The following TUBGCP5 variants were observed in gnomAD, a reference collection of about 807,000 sequenced individuals.
TUBGCP5 encodes gamma-tubulin complex component 5.
Under a neutral mutation model 134.7 loss-of-function variants are expected in TUBGCP5, and 98 were observed. The ratio of observed to expected loss-of-function variants is 0.73; its 90% CI spans 0.62 to 0.86. TUBGCP5 has a LOEUF of 0.86. TUBGCP5 is among the 40% of genes least tolerant of loss of function. The probability of loss-of-function intolerance (pLI) is 0.00; values close to 1 mark genes in which losing one functional copy is unlikely to be tolerated. For missense variants in TUBGCP5, 1,150 were observed against 1,244.8 expected (o/e 0.92, Z 1.15); for synonymous variants, 456 against 431.4 (o/e 1.06, Z -0.71).
chr15:23,015,002 A>AC (rs1274961558), intron 13 of TUBGCP5, among the ~76,000 whole-genome samples: 3 of 152,144 alleles, frequency 2.0e-5, no homozygotes, highest in East Asian at 3.9e-4. Context: ...GCCAGACCCC[A>AC]CCTTGGCCAA....
intron 21 of TUBGCP5, 52 bp downstream of exon 21, chr15:23,003,013 A>G (rs767694604): frequency 5.1e-6 from 8 of 1,578,178 alleles, no homozygotes; most frequent in Admixed American, 1.7e-5. Context: ...AAAAAAGGGA[A>G]GCTGAAGCTG....
At position 23,008,851 on chromosome 15, in the gene TUBGCP5, AT is replaced by A; in HGVS notation, c.2174del (p.Asn725IlefsTer4). 6.3e-7 allele frequency: 1 copy of A among 1,578,934 alleles called. No individual in the cohort carries two copies. Among genetic ancestry groups the A allele is most frequent in the South Asian group, 1.2e-5 (1 of 84,530 alleles). The part of the protein sequence containing the change: ...RLVEYLQAMR[N>X]FFLMEGGDTM... ...TATCTCCTCCTTCCATTAAGAAAAA[AT>A]TCCTCATAGCTTGCAAGTATTCTAC... On this transcript the variant is annotated frameshift_variant, in exon 16 of 23. Transcript: ENST00000615383. LOFTEE classifies it high-confidence loss of function.
At chr15:23,019,710 T>C (rs796205058) in intron 11 of TUBGCP5, among the ~76,000 whole-genome samples, 25 of 151,748 alleles carry the variant, frequency 1.6e-4, no homozygotes, top group African/African-American at 5.8e-4. Flanking sequence ...GGGAGGAGAA[T>C]TGCTTGAATC....
At chr15:23,035,232 G>A (rs187985764) in intron 3 of TUBGCP5, among the ~76,000 whole-genome samples, 11 of 151,748 alleles carry the variant, frequency 7.2e-5, no homozygotes, top group South Asian at 2.1e-4. Context: ...GGGAGGCTGA[G>A]GCAGGAGAAT....
chr15:23,024,608 CT>C (rs1253463257), intron 9 of TUBGCP5, 128 bp downstream of exon 9: 129 of 554,182 alleles, frequency 2.3e-4, no homozygotes, highest in South Asian at 5.8e-4. Context: ...TTTAAGTTAG[CT>C]TTTTTTTGCA....
In TUBGCP5 at chr15:23,008,619, A is replaced by G. The variant is rs2064860427; in HGVS notation, c.2327+80T>C. ...TCATAGGAATAGTGAGGATAAAATAATATGTGTAATTCATAGAAGACTTAC... is the reference window on the plus strand; with the variant it reads ...TCATAGGAATAGTGAGGATAAAATAGTATGTGTAATTCATAGAAGACTTAC... On this transcript the variant is annotated intron_variant, in intron 16 of 22. Transcript: ENST00000615383. 2.9e-5 allele frequency: 42 copies of G among 1,444,316 alleles called. 1 individual carries two copies. In the South Asian group the frequency reaches 4.3e-4, roughly 15 times the overall value. 89.5% of individuals were successfully genotyped at this position (1,444,316 alleles called of 1,614,324 possible).
intron 8 of TUBGCP5, among the ~76,000 whole-genome samples, chr15:23,025,502 G>A (rs138739611): frequency 6.3e-4 from 96 of 152,220 alleles, no homozygotes; most frequent in African/African-American, 2.2e-3. Context: ...TTCCAGGTAC[G>A]GGCACAGGCC....
chr15:22,986,595 G>A (rs1182458352), intron 23 of TUBGCP5, among the ~76,000 whole-genome samples: 5 of 151,976 alleles, frequency 3.3e-5, no homozygotes, highest in East Asian at 1.9e-4. Flanking sequence ...AAAATTAGCC[G>A]GGTGTGGTGG....
chr15:23,000,453 G>T, intron 22 of TUBGCP5, 116 bp downstream of exon 22: 1 of 1,497,788 alleles, frequency 6.7e-7, no homozygotes, highest in Middle Eastern at 1.9e-4. Flanking sequence ...GGACTTTTCA[G>T]TTTTGAAAAT....
In TUBGCP5 at chr15:23,019,224, G is replaced by C. The variant is rs932427307; in HGVS notation, c.1482C>G (p.Ile494Met). Reference protein sequence around the residue: ...HLWDGAREFIIQRNKNVPVNH... With the variant: ...HLWDGAREFIMQRNKNVPVNH... Reference sequence around the variant, plus strand: ...TGTGCTCTGCTGCAGCTCACCTCTGGATGATGAACTCCCTGGCGCCATCCC... The same window carrying C: ...TGTGCTCTGCTGCAGCTCACCTCTGCATGATGAACTCCCTGGCGCCATCCC... The change falls in exon 12 of 23, where the codon ATC (isoleucine) becomes ATG (methionine). Residue 494 changes from isoleucine to methionine, a missense_variant. Transcript: ENST00000615383. 23 of 1,612,562 alleles carry C rather than the reference G, an allele frequency of 1.4e-5. No homozygotes were observed. Among genetic ancestry groups the C allele is most frequent in the Non-Finnish European group, 2.0e-5 (23 of 1,178,918 alleles).
chr15:22,994,356 C>G (rs1251105546), downstream of TUBGCP5, among the ~76,000 whole-genome samples: 3 of 151,738 alleles, frequency 2.0e-5, no homozygotes, highest in Non-Finnish European at 4.4e-5. Flanking sequence ...TCCCAAAATG[C>G]TGGGATTACA....
chr15:23,002,990 AC>A (rs1163610210), intron 21 of TUBGCP5, 74 bp downstream of exon 21: 135 of 1,455,778 alleles, frequency 9.3e-5, no homozygotes, highest in Admixed American at 3.5e-4. Flanking sequence ...GGCTGGGAAG[AC>A]CCTGTCTCTA....
At chr15:22,986,926 A>G (rs1263502064) in intron 23 of TUBGCP5, among the ~76,000 whole-genome samples, 1 of 152,162 alleles carries the variant, frequency 6.6e-6, no homozygotes, top group Non-Finnish European at 1.5e-5. Flanking sequence ...TTCAACCAGA[A>G]AAGCAGAATC....
chr15:23,001,634 T>C (rs1002039643), intron 21 of TUBGCP5, among the ~76,000 whole-genome samples: 2 of 151,640 alleles, frequency 1.3e-5, no homozygotes, highest in Non-Finnish European at 2.9e-5. Context: ...TAAGCCACTG[T>C]GCTCGGCTTT....
chr15:23,034,251 C>T (rs555985702), intron 3 of TUBGCP5, among the ~76,000 whole-genome samples: 5 of 152,276 alleles, frequency 3.3e-5, no homozygotes, highest in Non-Finnish European at 5.9e-5. Flanking sequence ...AATAAAAGCC[C>T]CAGAGTCCTG....
At chr15:22,985,213 G>A (rs560376254) in intron 23 of TUBGCP5, among the ~76,000 whole-genome samples, 1 of 147,414 alleles carries the variant, frequency 6.8e-6, no homozygotes, top group East Asian at 2.0e-4. Flanking sequence ...ATAGTCTTTT[G>A]TTTTTTCTTT....
intron 3 of TUBGCP5, 90 bp downstream of exon 3, chr15:23,036,807 G>T (rs2066615297): frequency 8.7e-6 from 8 of 921,780 alleles, no homozygotes; most frequent in Non-Finnish European, 1.2e-5. Context: ...TACTAAAATA[G>T]AATGTTTAAA....
intron 19 of TUBGCP5, 111 bp downstream of exon 19, chr15:23,005,321 G>T (rs113046886): frequency 2.3e-6 from 3 of 1,299,940 alleles, no homozygotes; most frequent in African/African-American, 3.0e-5. Context: ...TACATGTCCC[G>T]TTTTCACAGT....
At chr15:23,030,407 G>A (rs2066238452) in intron 6 of TUBGCP5, among the ~76,000 whole-genome samples, 1 of 152,164 alleles carries the variant, frequency 6.6e-6, no homozygotes, top group African/African-American at 2.4e-5. Context: ...GGGACTGGTT[G>A]CAGGAATGCT....
Sources: allele counts gnomAD v4.1 joint callset (sites outside exome capture counted in the v4.1 genomes callset), GRCh38; gene constraint gnomAD v4.1.1; transcripts MANE v1.5; gene names NCBI Gene and HGNC (gene_info 2026-07-23, HGNC 2026-07-21).